PRKD1: variants seen among roughly 807,000 people sequenced by gnomAD.
PRKD1 encodes protein kinase D1, also known as serine/threonine-protein kinase D1.
Under a neutral mutation model 95.9 loss-of-function variants are expected in PRKD1, and 63 were observed. The observed-to-expected ratio is 0.66, with a 90% confidence interval of 0.54 to 0.81. The LOEUF (loss-of-function observed/expected upper bound fraction) is 0.81, where lower values mean the gene tolerates loss of function less well. PRKD1 is among the 30% of genes least tolerant of loss of function. The probability of loss-of-function intolerance (pLI) is 0.00; values close to 1 mark genes in which losing one functional copy is unlikely to be tolerated. For synonymous variants in PRKD1, 425 were observed against 423.1 expected, an observed-to-expected ratio of 1.00 and a Z score of -0.05; for missense variants, 1,048 against 1,165.3, an observed-to-expected ratio of 0.90 and a Z score of 1.47.
intron 1 of PRKD1, among the ~76,000 whole-genome samples, chr14:29,879,348 T>C (rs1893419752): frequency 6.6e-6 from 1 of 152,214 alleles, no homozygotes. Context: ...CTTGTGATAG[T>C]GAATACGTCT....
intron 1 of PRKD1, among the ~76,000 whole-genome samples, chr14:29,927,047 G>C (rs915879026): frequency 1.8e-4 from 27 of 152,038 alleles, no homozygotes; most frequent in African/African-American, 6.5e-4. Flanking sequence ...AAGATGGGGC[G>C]AGAGGAGGAT....
At chr14:29,906,175 T>C (rs912546415) in intron 1 of PRKD1, among the ~76,000 whole-genome samples, 2 of 152,092 alleles carry the variant, frequency 1.3e-5, no homozygotes, top group Admixed American at 6.5e-5. Context: ...CCATCTAGTA[T>C]ATAATAAGTA....
At chr14:29,582,638 C>G (rs1274839108) in intron 16 of PRKD1, among the ~76,000 whole-genome samples, 2 of 151,934 alleles carry the variant, frequency 1.3e-5, no homozygotes, top group African/African-American at 4.8e-5. Context: ...ATTTATCAAG[C>G]ATAAAGACAC....
rs115522597 is a variant in PRKD1 at position 29,654,648 on chromosome 14, A to G, written c.696+9051T>C. 8.9e-3 allele frequency among the ~76,000 whole-genome samples: 1,354 copies of G among 152,298 alleles called. 22 individuals carry two copies. The highest frequency in any genetic ancestry group is 0.031 in the African/African-American group (1,290 of 41,552). On this transcript the variant is annotated intron_variant, in intron 4 of 17. Coordinates refer to ENST00000331968, the MANE Select transcript of PRKD1 (RefSeq NM_002742.3). ...GGAAGCTTATACAAAGACATATACT[A>G]TATCTACTTGTCGGTATATGGTTTA...
At chr14:29,817,639 G>A (rs1890745540) in intron 1 of PRKD1, among the ~76,000 whole-genome samples, 1 of 152,036 alleles carries the variant, frequency 6.6e-6, no homozygotes, top group South Asian at 2.1e-4. Context: ...CGAGAATATA[G>A]AGGACAGAGA....
chr14:29,840,663 G>C (rs1174058918), intron 1 of PRKD1, among the ~76,000 whole-genome samples: 5 of 152,154 alleles, frequency 3.3e-5, no homozygotes, highest in Admixed American at 3.3e-4. Flanking sequence ...CACATGGCTG[G>C]GGAAGTCTCA....
intron 1 of PRKD1, among the ~76,000 whole-genome samples, chr14:29,821,915 G>C (rs1890928253): frequency 6.6e-6 from 1 of 151,920 alleles, no homozygotes; most frequent in African/African-American, 2.4e-5. Context: ...TCCACAGTCA[G>C]AGCAACCTTT....
At position 29,578,213 on chromosome 14, in the gene PRKD1, T is replaced by C. The variant is rs1053925002; in HGVS notation, c.2520+62A>G. 5.5e-6 allele frequency: 7 copies of C among 1,271,382 alleles called. No individual in the cohort carries two copies. In the African/African-American group the frequency reaches 9.3e-5, roughly 17 times the overall value. The allele number at this position is 1,271,382 out of a possible 1,614,324, so 78.8% of individuals were successfully genotyped here. A position where few individuals can be genotyped will look rare whatever the true frequency, so the allele number is the denominator to read the frequency against. ...AATTATTGCAAAAGATTTCTAAATA[T>C]CAAAATCCTATAAATATTTAGAAGC... On this transcript the variant is annotated intron_variant, in intron 17 of 17. Transcript: ENST00000331968.
chr14:29,913,702 T>C (rs10143753), intron 1 of PRKD1, among the ~76,000 whole-genome samples: 3,609 of 152,334 alleles, frequency 0.024, 152 homozygotes, highest in African/African-American at 0.083. Flanking sequence ...TGCTCTGAAG[T>C]TAATCAGTTA....
At chr14:29,675,400 C>T (rs1172301022) in intron 2 of PRKD1, among the ~76,000 whole-genome samples, 2 of 152,172 alleles carry the variant, frequency 1.3e-5, no homozygotes, top group Admixed American at 6.5e-5. Flanking sequence ...TGTAGACAAT[C>T]GCTTCCCCAT....
chr14:29,582,297 G>A (rs1199679613), intron 16 of PRKD1, among the ~76,000 whole-genome samples: 1 of 151,936 alleles, frequency 6.6e-6, no homozygotes, highest in Non-Finnish European at 1.5e-5. Flanking sequence ...AATAATTTGA[G>A]AATCCATTCT....
intron 1 of PRKD1, among the ~76,000 whole-genome samples, chr14:29,747,659 T>A (rs987024412): frequency 3.9e-5 from 6 of 152,218 alleles, no homozygotes; most frequent in African/African-American, 9.6e-5. Context: ...ACAATGTGGA[T>A]GAACTTCAGA....
chr14:29,607,014 T>C (rs1878024771), intron 13 of PRKD1, among the ~76,000 whole-genome samples: 1 of 152,188 alleles, frequency 6.6e-6, no homozygotes, highest in Non-Finnish European at 1.5e-5. Context: ...TAAAATAGGA[T>C]GATAGTAATG....
chr14:29,739,877 C>A (rs1886905724), intron 1 of PRKD1, among the ~76,000 whole-genome samples: 1 of 152,100 alleles, frequency 6.6e-6, no homozygotes, highest in Non-Finnish European at 1.5e-5. Flanking sequence ...AAGATAAAAG[C>A]AATAAGATAT....
At chr14:29,599,246 A>G (rs1423025987) in intron 14 of PRKD1, 121 bp from the exon 15 acceptor site, 7 of 783,122 alleles carry the variant, frequency 8.9e-6, no homozygotes, top group Non-Finnish European at 1.4e-5. Context: ...TGTTAAAGAC[A>G]CTGAAATGAG....
chr14:29,671,063 AG>A (rs956354110), intron 2 of PRKD1, among the ~76,000 whole-genome samples: 1 of 151,826 alleles, frequency 6.6e-6, no homozygotes, highest in Non-Finnish European at 1.5e-5. Context: ...CAGAGATCAT[AG>A]TAGCCAAGAG....
At position 29,733,143 on chromosome 14, in the gene PRKD1, C is replaced by T. The variant is rs369061826; in HGVS notation, c.265-7469G>A. ...TTTGAGATGGAGTCTCGCTCTGCCG[C>T]CCAGGCTGGAGTGCAGTGGCGCAAT... On this transcript the variant is annotated intron_variant, in intron 1 of 17. Transcript: ENST00000331968. Among the ~76,000 whole-genome samples the T allele has an allele frequency of 4.0e-5, 6 of 150,350 alleles. No homozygotes were observed. In the East Asian group the frequency reaches 7.9e-4, roughly 20 times the overall value.
At chr14:29,864,188 C>G (rs985017581) in intron 1 of PRKD1, among the ~76,000 whole-genome samples, 1 of 151,944 alleles carries the variant, frequency 6.6e-6, no homozygotes, top group African/African-American at 2.4e-5. Flanking sequence ...ATTCCACAGG[C>G]AACATATTAA....
intron 1 of PRKD1, among the ~76,000 whole-genome samples, chr14:29,882,649 C>A (rs1893552979): frequency 6.6e-6 from 1 of 152,178 alleles, no homozygotes; most frequent in Non-Finnish European, 1.5e-5. Context: ...AACAACTCCG[C>A]ATTTTCCCTC....
Sources: gnomAD v4.1 joint callset for allele counts (sites outside exome capture counted in the v4.1 genomes callset) on GRCh38, gnomAD v4.1.1 for gene constraint, MANE v1.5 for transcripts, NCBI Gene and HGNC (gene_info 2026-07-23, HGNC 2026-07-21) for gene names.